RGS7: variants seen among roughly 807,000 people sequenced by gnomAD.
RGS7 encodes the protein regulator of G protein signaling 7, also known as regulator of G-protein signaling 7.
A neutral mutation model predicts 81.1 loss-of-function variants in RGS7; 27 were observed. That is an observed-to-expected ratio of 0.33 (90% CI 0.25 to 0.46). The LOEUF is 0.46. Ranked by LOEUF, RGS7 falls within the 20% of genes least tolerant of loss-of-function variation. The probability of loss-of-function intolerance (pLI) is 1.00; values close to 1 mark genes in which losing one functional copy is unlikely to be tolerated. For synonymous variants in RGS7, 208 were observed against 207.7 expected (o/e 1.00, Z -0.01); for missense variants, 396 against 607.4 (o/e 0.65, Z 3.66).
intron 2 of RGS7, among the ~76,000 whole-genome samples, chr1:241,272,674 T>C (rs1392310955): frequency 6.6e-6 from 1 of 152,180 alleles, no homozygotes; most frequent in Non-Finnish European, 1.5e-5. Context: ...TCCTCTCTTC[T>C]AGACTCCAGT....
chr1:240,877,861 C>T (rs148835972), intron 6 of RGS7, among the ~76,000 whole-genome samples: 33 of 152,304 alleles, frequency 2.2e-4, no homozygotes, highest in African/African-American at 7.7e-4. Flanking sequence ...AAAGTTTAGA[C>T]ATGAGCATAT....
Position 241,098,714 on chromosome 1 carries a change from T to C in RGS7, c.127A>G (p.Ile43Val). Residue 43 changes from isoleucine to valine, a missense_variant, in exon 3 of 19, where the codon ATT becomes GTT. Transcript: ENST00000440928. ...GAAAGAAAGCTTTTGACCGTACGAA[T>C]AGGAATTCCATTTTTTTCATCTTGC... ...RMQDEKNGIPIRTVKSFLSKI... is the reference protein window; with the variant it reads ...RMQDEKNGIPVRTVKSFLSKI... 1.2e-6 allele frequency: 2 copies of C among 1,613,760 alleles called. No homozygotes were observed. The highest frequency in any genetic ancestry group is 8.5e-7 in the Non-Finnish European group (1 of 1,179,864).
chr1:240,941,142 G>A (rs182414511), intron 4 of RGS7, among the ~76,000 whole-genome samples: 1 of 152,242 alleles, frequency 6.6e-6, no homozygotes, highest in Admixed American at 6.5e-5. Context: ...GAAATATACT[G>A]GTGGTGATAC....
At chr1:241,147,435 G>A (rs929127027) in intron 2 of RGS7, among the ~76,000 whole-genome samples, 16 of 152,078 alleles carry the variant, frequency 1.1e-4, no homozygotes, top group African/African-American at 3.4e-4. Flanking sequence ...GTAGAAGTAT[G>A]ACTATTTTCA....
intron 2 of RGS7, among the ~76,000 whole-genome samples, chr1:241,327,612 A>C (rs1344501236): frequency 6.6e-6 from 1 of 152,186 alleles, no homozygotes; most frequent in Non-Finnish European, 1.5e-5. Context: ...TGTATCATTC[A>C]TTGCCAAATG....
At chr1:241,149,792 T>C (rs1468570250) in intron 2 of RGS7, among the ~76,000 whole-genome samples, 1 of 152,096 alleles carries the variant, frequency 6.6e-6, no homozygotes. Context: ...TTTTTATATT[T>C]TGAGATGGAA....
intron 3 of RGS7, among the ~76,000 whole-genome samples, chr1:241,067,379 T>C (rs374979563): frequency 1.3e-5 from 2 of 152,114 alleles, no homozygotes; most frequent in East Asian, 3.9e-4. Context: ...TGACATGTAG[T>C]AGGCATTCAA....
At chr1:240,944,333 TGTTAG>T (rs1678231574) in intron 4 of RGS7, among the ~76,000 whole-genome samples, 1 of 123,322 alleles carries the variant, frequency 8.1e-6, no homozygotes, top group Non-Finnish European at 1.7e-5. Context: ...TATATATATA[TGTTAG>T]GTGCATAGAA....
At chr1:240,970,598 C>G (rs1683042964) in intron 4 of RGS7, among the ~76,000 whole-genome samples, 1 of 152,186 alleles carries the variant, frequency 6.6e-6, no homozygotes, top group African/African-American at 2.4e-5. Flanking sequence ...GCAGACATCA[C>G]AGAGCAACAT....
chr1:241,117,886 G>T (rs748032253), intron 2 of RGS7, among the ~76,000 whole-genome samples: 12 of 152,150 alleles, frequency 7.9e-5, no homozygotes, highest in Non-Finnish European at 1.5e-4. Flanking sequence ...AGCAAGATAA[G>T]CATGAAGTCA....
intron 13 of RGS7, among the ~76,000 whole-genome samples, chr1:240,812,437 CTTTTT>C (rs71172652): frequency 8.0e-5 from 11 of 137,648 alleles, no homozygotes; most frequent in Admixed American, 1.5e-4. Context: ...TTTCTTTTTT[CTTTTT>C]TTTTTTTTTG....
chr1:241,138,730 T>C (rs2103073514), intron 2 of RGS7, among the ~76,000 whole-genome samples: 1 of 152,360 alleles, frequency 6.6e-6, no homozygotes, highest in Non-Finnish European at 1.5e-5. Context: ...TCTTCAAAAA[T>C]ATTTCTTTAA....
At chr1:241,071,874 C>CAAATAAAAAAAAAAAAAAAA (rs2062474659) in intron 3 of RGS7, among the ~76,000 whole-genome samples, 1 of 56,856 alleles carries the variant, frequency 1.8e-5, no homozygotes, top group African/African-American at 8.7e-5. Context: ...GAGACCCTGT[C>CAAATAAAAAAAAAAAAAAAA]AAAAAAAAAA....
At chr1:241,122,578 C>G (rs1211223374) in intron 2 of RGS7, among the ~76,000 whole-genome samples, 2 of 151,576 alleles carry the variant, frequency 1.3e-5, no homozygotes, top group African/African-American at 4.8e-5. Context: ...AGGAGAATCA[C>G]TTGAACCCCG....
chr1:241,343,290 T>C (rs1436388174), intron 2 of RGS7, among the ~76,000 whole-genome samples: 1 of 149,990 alleles, frequency 6.7e-6, no homozygotes, highest in Non-Finnish European at 1.5e-5. Context: ...AAAAGTACAA[T>C]TACCAGGTGA....
At chr1:241,121,648 T>C (rs2066261305) in intron 2 of RGS7, among the ~76,000 whole-genome samples, 1 of 151,750 alleles carries the variant, frequency 6.6e-6, no homozygotes, top group Admixed American at 6.6e-5. Flanking sequence ...CTTGGAACTT[T>C]GAAGTTTAGA....
Position 241,163,521 on chromosome 1 carries a change from C to T in RGS7, c.79-64759G>A, listed in dbSNP as rs1336137079. Among the ~76,000 whole-genome samples, 2 of 152,052 alleles carry T rather than the reference C, an allele frequency of 1.3e-5. No homozygotes were observed. Among genetic ancestry groups the T allele is most frequent in the Non-Finnish European group, 2.9e-5 (2 of 67,984 alleles). On this transcript the variant is annotated intron_variant, in intron 2 of 18. Coordinates refer to ENST00000440928, the MANE Select transcript of RGS7 (RefSeq NM_001364886.1). This position sits in a 1 kb window ranked among gnomAD's most constrained non-coding sequence, Gnocchi z 4.6. ...TCTTCCAGATCTAGGAAAGATTAAC[C>T]GACTGTCGACACCTTTGAAGGTCTG... is the stretch of plus-strand genomic sequence containing the variant.
intron 2 of RGS7, among the ~76,000 whole-genome samples, chr1:241,352,975 TGAG>T (rs1463723899): frequency 2.6e-5 from 4 of 152,146 alleles, no homozygotes; most frequent in Non-Finnish European, 5.9e-5. Flanking sequence ...GGAGGTGTCA[TGAG>T]GAGGGAAAAC....
chr1:241,091,557 A>G (rs1217694614), intron 3 of RGS7, among the ~76,000 whole-genome samples: 1 of 135,868 alleles, frequency 7.4e-6, no homozygotes, highest in African/African-American at 3.3e-5. Context: ...CAATAAATAA[A>G]TAAATAAATA....
Sources: allele counts gnomAD v4.1 joint callset (sites outside exome capture counted in the v4.1 genomes callset), GRCh38; gene constraint gnomAD v4.1.1; non-coding constraint Gnocchi (gnomAD v3.1); transcripts MANE v1.5; gene names NCBI Gene and HGNC (gene_info 2026-07-23, HGNC 2026-07-21).